The following SOHLH2 variants were observed in gnomAD, a reference collection of about 807,000 sequenced individuals.
SOHLH2 encodes the protein spermatogenesis- and oogenesis-specific basic helix-loop-helix-containing protein 2.
A neutral mutation model predicts 50.4 loss-of-function variants in SOHLH2; 22 were observed. The ratio of observed to expected loss-of-function variants is 0.44; its 90% CI spans 0.31 to 0.62. The LOEUF (loss-of-function observed/expected upper bound fraction) is 0.62, where lower values mean the gene tolerates loss of function less well. SOHLH2 is among the 20% of genes least tolerant of loss of function. The pLI is 0.08. For synonymous variants in SOHLH2, 185 were observed against 187.3 expected (o/e 0.99, Z 0.10); for missense variants, 412 against 504.4 (o/e 0.82, Z 1.76).
intron 2 of SOHLH2, among the ~76,000 whole-genome samples, chr13:36,197,950 T>A (rs1376786787): frequency 2.0e-5 from 3 of 152,184 alleles, no homozygotes; most frequent in Non-Finnish European, 4.4e-5. Flanking sequence ...GTGTTTATTG[T>A]CGAATATTCA....
intron 5 of SOHLH2, 77 bp downstream of exon 5, chr13:36,191,718 C>A: frequency 1.9e-6 from 3 of 1,563,060 alleles, no homozygotes; most frequent in Non-Finnish European, 1.8e-6. Context: ...AAATGCTGCA[C>A]CCCTCTTCCA....
Position 36,174,839 on chromosome 13 carries a change from C to T in SOHLH2, c.672G>A (p.Leu224=). 6.3e-7 allele frequency: 1 copy of T among 1,587,100 alleles called. No individual in the cohort carries two copies. The highest frequency in any genetic ancestry group is 8.5e-7 in the Non-Finnish European group (1 of 1,172,390). ...RERIKYCCEQ[L]RTLLPYVKGR... Reference sequence around the variant, plus strand: ...CTTTTACATACGGCAAGAGAGTACGCAGCTGCTCACAGCAATATTTGATTC... The same window carrying T: ...CTTTTACATACGGCAAGAGAGTACGTAGCTGCTCACAGCAATATTTGATTC... Residue 224 remains leucine, a synonymous_variant, in exon 7 of 11, where the codon CTG becomes CTA. Transcript: ENST00000379881.
chr13:36,202,161 G>C, intron 1 of SOHLH2, 68 bp from the exon 2 acceptor site: 1 of 1,570,130 alleles, frequency 6.4e-7, no homozygotes, highest in Non-Finnish European at 8.7e-7. Context: ...TCATGTATGA[G>C]AGGATAAGAT....
chr13:36,214,039 GA>G (rs1287553204), intron 1 of SOHLH2, among the ~76,000 whole-genome samples: 4 of 145,968 alleles, frequency 2.7e-5, no homozygotes, highest in Non-Finnish European at 4.6e-5. Context: ...CAAGGGCTAA[GA>G]TTTTTTTTTT....
At chr13:36,211,303 G>A (rs1566048841) in intron 1 of SOHLH2, among the ~76,000 whole-genome samples, 1 of 152,136 alleles carries the variant, frequency 6.6e-6, no homozygotes, top group Non-Finnish European at 1.5e-5. Flanking sequence ...TATTAGTAAG[G>A]TTTATTTTTT....
At chr13:36,174,438 A>G in intron 8 of SOHLH2, 38 bp downstream of exon 8, 3 of 1,607,822 alleles carry the variant, frequency 1.9e-6, no homozygotes, top group Non-Finnish European at 2.5e-6. Context: ...GAGGAAAATA[A>G]CTAGCAGACT....
chr13:36,206,397 GT>G (rs1331261597), intron 1 of SOHLH2, among the ~76,000 whole-genome samples: 1 of 151,994 alleles, frequency 6.6e-6, no homozygotes, highest in Non-Finnish European at 1.5e-5. Flanking sequence ...TATAATTTCA[GT>G]TGATAGTTCC....
At position 36,170,670 on chromosome 13, in the gene SOHLH2, G is replaced by T. The variant is rs755636521; in HGVS notation, c.1118C>A (p.Pro373His). ...TGTTACAGCAGTTGCATCGTAGGAA[G>T]GGGTGACTTTAGAATAATATCTGAC... is the stretch of plus-strand genomic sequence containing the variant. The part of the protein sequence containing the change: ...HTVRYYSKVT[P>H]SYDATAVTNQ... Residue 373 changes from proline (P) to histidine (H), a missense_variant, in exon 10 of 11, where the codon CCT (proline) becomes CAT (histidine). Coordinates refer to ENST00000379881, the MANE Select transcript of SOHLH2 (RefSeq NM_017826.3). The T allele has an allele frequency of 1.9e-6, 3 of 1,614,178 alleles. No individual in the cohort carries two copies. Among genetic ancestry groups the T allele is most frequent in the Non-Finnish European group, 2.5e-6 (3 of 1,180,030 alleles).
intron 1 of SOHLH2, among the ~76,000 whole-genome samples, chr13:36,203,510 T>C (rs1017961222): frequency 6.6e-6 from 1 of 152,322 alleles, no homozygotes; most frequent in South Asian, 2.1e-4. Context: ...CCATGATGAA[T>C]ACATTTATAA....
intron 6 of SOHLH2, among the ~76,000 whole-genome samples, chr13:36,180,730 G>A (rs892971799): frequency 6.0e-5 from 9 of 151,124 alleles, no homozygotes; most frequent in African/African-American, 2.2e-4. Flanking sequence ...TTGTGGTCAG[G>A]GAACACATCT....
At chr13:36,182,385 C>A in intron 6 of SOHLH2, 1 of 662,334 alleles carries the variant, frequency 1.5e-6, no homozygotes, top group Non-Finnish European at 1.9e-6. Flanking sequence ...CTTGAATCTT[C>A]ACTGGCCTGT....
rs571992113 is a variant in SOHLH2, at chr13:36,185,370, G to A, written c.641+4576C>T. Among the ~76,000 whole-genome samples, 58 of 152,094 alleles carry A rather than the reference G, an allele frequency of 3.8e-4. No individual in the cohort carries two copies. In the South Asian group the frequency reaches 5.8e-3, roughly 15 times the overall value. On this transcript the variant is annotated intron_variant, in intron 6 of 10. Coordinates refer to ENST00000379881, the MANE Select transcript of SOHLH2 (RefSeq NM_017826.3). The stretch of plus-strand genomic sequence containing the variant: ...TAATTCCAGCTGCTTGGGAGGCTGA[G>A]GCAGGAGAATTGCTTGAACCCGGGA...
chr13:36,177,820 G>T (rs1466068156), intron 6 of SOHLH2, among the ~76,000 whole-genome samples: 2 of 151,904 alleles, frequency 1.3e-5, no homozygotes, highest in African/African-American at 4.8e-5. Context: ...ACCAGGATTT[G>T]TCAGATATCT....
At chr13:36,203,011 A>G (rs1369442917) in intron 1 of SOHLH2, among the ~76,000 whole-genome samples, 1 of 152,218 alleles carries the variant, frequency 6.6e-6, no homozygotes, top group Non-Finnish European at 1.5e-5. Context: ...GAGGTGCAAG[A>G]AACTAGGCAA....
At chr13:36,193,910 T>G in intron 2 of SOHLH2, 43 bp from the exon 3 acceptor site, 4 of 1,567,670 alleles carry the variant, frequency 2.6e-6, no homozygotes, top group Non-Finnish European at 3.4e-6. Context: ...AAAATCATTA[T>G]TCAAAAAATT....
chr13:36,184,885 G>A (rs1183715246), intron 6 of SOHLH2, among the ~76,000 whole-genome samples: 1 of 152,112 alleles, frequency 6.6e-6, no homozygotes, highest in East Asian at 1.9e-4. Context: ...AGCCCCGCAT[G>A]CATTAGGTAT....
intron 1 of SOHLH2, among the ~76,000 whole-genome samples, chr13:36,209,662 A>G (rs1192865770): frequency 1.3e-5 from 2 of 152,202 alleles, no homozygotes. Flanking sequence ...AGCAGTTAAG[A>G]TTTCAACATA....
At chr13:36,188,387 A>G (rs964831573) in intron 6 of SOHLH2, among the ~76,000 whole-genome samples, 3 of 152,344 alleles carry the variant, frequency 2.0e-5, no homozygotes, top group Non-Finnish European at 2.9e-5. Flanking sequence ...CTTTTGTAAC[A>G]TAAGCATATT....
At chr13:36,203,526 T>C (rs1249011672) in intron 1 of SOHLH2, among the ~76,000 whole-genome samples, 1 of 152,156 alleles carries the variant, frequency 6.6e-6, no homozygotes, top group Non-Finnish European at 1.5e-5. Flanking sequence ...TATAAATACA[T>C]CTGTGTGCAA....
Sources: allele counts gnomAD v4.1 joint callset (sites outside exome capture counted in the v4.1 genomes callset), GRCh38; gene constraint gnomAD v4.1.1; transcripts MANE v1.5; gene names NCBI Gene and HGNC (gene_info 2026-07-23, HGNC 2026-07-21).